The following DCT variants were observed in gnomAD, a reference collection of about 807,000 sequenced individuals.
The protein encoded by DCT is L-dopachrome tautomerase.
Under a neutral mutation model 53.0 loss-of-function variants are expected in DCT, and 47 were observed. That is an observed-to-expected ratio of 0.89 (90% CI 0.70 to 1.13). The LOEUF is 1.13. Among genes scored for constraint, DCT ranks in the 50% most tolerant of loss-of-function variants. DCT has a pLI of 0.00. For missense variants in DCT, 669 were observed against 637.4 expected (o/e 1.05, Z -0.53); for synonymous variants, 244 against 237.0 (o/e 1.03, Z -0.27).
chr13:94,465,527 G>A (rs1884113709), intron 4 of DCT, 106 bp downstream of exon 4: 2 of 963,734 alleles, frequency 2.1e-6, no homozygotes, highest in African/African-American at 3.3e-5. Context: ...ATGTAAATAG[G>A]ACACCACATG....
chr13:94,448,577 A>G (rs1882874346), intron 6 of DCT, among the ~76,000 whole-genome samples: 1 of 152,178 alleles, frequency 6.6e-6, no homozygotes, highest in Non-Finnish European at 1.5e-5. Context: ...ATGTCATTTG[A>G]GGGTAGGAAA....
chr13:94,531,038 C>T, the DCT span, among the ~76,000 whole-genome samples: 1 of 152,152 alleles, frequency 6.6e-6, no homozygotes, highest in African/African-American at 2.4e-5. Flanking sequence ...CTCCCATTCA[C>T]AATTGCTACA....
At chr13:94,456,581 C>T (rs1016043388) in intron 6 of DCT, among the ~76,000 whole-genome samples, 14 of 152,202 alleles carry the variant, frequency 9.2e-5, no homozygotes, top group African/African-American at 3.4e-4. Flanking sequence ...TTATAAAACA[C>T]ATTATTATTG....
chr13:94,467,764 G>C (rs904702261), intron 2 of DCT: 1 of 152,178 alleles, frequency 6.6e-6, no homozygotes, highest in Non-Finnish European at 1.5e-5. Context: ...GCAGAAGGAT[G>C]AACCTGTCCA....
intron 6 of DCT, among the ~76,000 whole-genome samples, chr13:94,459,464 TTGTC>T (rs1883632734): frequency 6.6e-6 from 1 of 152,156 alleles, no homozygotes; most frequent in Admixed American, 6.5e-5. Flanking sequence ...TGTTCATAAT[TTGTC>T]TGTGCTTAGA....
chr13:94,477,883 G>GT (rs1360511023), intron 1 of DCT, among the ~76,000 whole-genome samples: 13 of 152,158 alleles, frequency 8.5e-5, no homozygotes, highest in African/African-American at 3.1e-4. Flanking sequence ...TGCCACTTGT[G>GT]TTTTTTGTAT....
At chr13:94,511,825 A>AGTGT in the DCT span, among the ~76,000 whole-genome samples, 993 of 143,774 alleles carry the variant, frequency 6.9e-3, 2 homozygotes, top group African/African-American at 9.5e-3. Flanking sequence ...CAGCATTGTC[A>AGTGT]GTGTGTGTGT....
intron 4 of DCT, among the ~76,000 whole-genome samples, chr13:94,462,679 C>G (rs1162264673): frequency 6.6e-6 from 1 of 151,916 alleles, no homozygotes; most frequent in Non-Finnish European, 1.5e-5. Context: ...CATTATGGGT[C>G]GAGAAGTTTC....
At chr13:94,447,642 G>C (rs1411680376) in intron 6 of DCT, among the ~76,000 whole-genome samples, 4 of 152,176 alleles carry the variant, frequency 2.6e-5, no homozygotes, top group Non-Finnish European at 4.4e-5. Flanking sequence ...TGCAGAAAGA[G>C]GATACTTTGA....
rs554257265 is a variant in DCT at position 94,468,692 on chromosome 13, T to A, written c.595+54A>T. ...GAAATTACTTCCCACTGCCATACCCTCAACCCAATCACAAACCTGTAATAA... is the reference window on the plus strand; with the variant it reads ...GAAATTACTTCCCACTGCCATACCCACAACCCAATCACAAACCTGTAATAA... On this transcript the variant is annotated intron_variant, in intron 2 of 7. Transcript: ENST00000377028. 2.5e-5 allele frequency: 38 copies of A among 1,515,314 alleles called. No homozygotes were observed. In the East Asian group the frequency reaches 8.4e-4, roughly 33 times the overall value. The allele number at this position is 1,515,314 out of a possible 1,614,324, so 93.9% of individuals were successfully genotyped here.
At chr13:94,527,093 T>G in the DCT span, among the ~76,000 whole-genome samples, 3 of 152,120 alleles carry the variant, frequency 2.0e-5, no homozygotes, top group Non-Finnish European at 4.4e-5. Context: ...CGCTGGGCCT[T>G]GAGTAGCTCA....
chr13:94,513,551 C>T, the DCT span, among the ~76,000 whole-genome samples: 2 of 151,984 alleles, frequency 1.3e-5, no homozygotes, highest in Non-Finnish European at 2.9e-5. Flanking sequence ...CTTACTATGC[C>T]TCTGAGATTT....
At chr13:94,537,698 C>A in the DCT span, among the ~76,000 whole-genome samples, 1 of 152,158 alleles carries the variant, frequency 6.6e-6, no homozygotes, top group East Asian at 1.9e-4. Flanking sequence ...ACCATACAAC[C>A]TTTTTAGTCC....
chr13:94,546,050 A>G, the DCT span, among the ~76,000 whole-genome samples: 2 of 152,146 alleles, frequency 1.3e-5, no homozygotes, highest in Admixed American at 6.5e-5. This position sits in a 1 kb window ranked among gnomAD's most constrained non-coding sequence, Gnocchi z 4.2. Context: ...ATCTGATGAA[A>G]GGCTTCTGGC....
chr13:94,481,194 A>G (rs544138424), upstream of DCT, among the ~76,000 whole-genome samples: 3 of 152,358 alleles, frequency 2.0e-5, no homozygotes, highest in African/African-American at 7.2e-5. Flanking sequence ...GCCCACTCAG[A>G]TAATCCAGGA....
At chr13:94,490,028 G>A in the DCT span, among the ~76,000 whole-genome samples, 3 of 152,122 alleles carry the variant, frequency 2.0e-5, 1 homozygote, top group South Asian at 2.1e-4. Flanking sequence ...AATATAGGTG[G>A]AGGCAAGGTT....
the DCT span, among the ~76,000 whole-genome samples, chr13:94,485,604 T>C: frequency 6.6e-6 from 1 of 152,202 alleles, no homozygotes; most frequent in Admixed American, 6.5e-5. Context: ...CCATCATCTA[T>C]AGTATCCTCC....
At chr13:94,487,747 TG>T in the DCT span, among the ~76,000 whole-genome samples, 1 of 152,182 alleles carries the variant, frequency 6.6e-6, no homozygotes, top group African/African-American at 2.4e-5. Flanking sequence ...CCCTGTCTGA[TG>T]GTTTTTGATC....
chr13:94,484,438 T>C (rs1885577376), upstream of DCT, among the ~76,000 whole-genome samples: 1 of 152,262 alleles, frequency 6.6e-6, no homozygotes, highest in Non-Finnish European at 1.5e-5. Context: ...ATGCCTCTCA[T>C]ATCCCCATCT....
Sources: allele counts gnomAD v4.1 joint callset (sites outside exome capture counted in the v4.1 genomes callset), GRCh38; gene constraint gnomAD v4.1.1; non-coding constraint Gnocchi (gnomAD v3.1); transcripts MANE v1.5; gene names NCBI Gene and HGNC (gene_info 2026-07-23, HGNC 2026-07-21).